Variants in EVC2 observed in about 807,000 individuals in gnomAD.
The protein encoded by EVC2 is limbin.
A neutral mutation model predicts 149.3 loss-of-function variants in EVC2; 148 were observed. The ratio of observed to expected loss-of-function variants is 0.99; its 90% CI spans 0.87 to 1.14. EVC2 has a LOEUF of 1.14. Among genes scored for constraint, EVC2 ranks in the 50% most tolerant of loss-of-function variants. The pLI is 0.00. For missense variants in EVC2, 1,854 were observed against 1,627.3 expected, an observed-to-expected ratio of 1.14 and a Z score of -2.40; for synonymous variants, 776 against 649.9, an observed-to-expected ratio of 1.19 and a Z score of -2.95.
intron 16 of EVC2, among the ~76,000 whole-genome samples, chr4:5,591,546 C>G (rs545899949): frequency 6.6e-6 from 1 of 151,804 alleles, no homozygotes; most frequent in Non-Finnish European, 1.5e-5. Context: ...ATGAGAAGGC[C>G]GTAAGGAAAA....
At chr4:5,708,668 G>T, upstream of EVC2, 1 of 537,854 alleles carries the variant, frequency 1.9e-6, no homozygotes, top group Non-Finnish European at 3.0e-6. Context: ...TGGCGGGCCA[G>T]GAGGTGCCGG....
intron 11 of EVC2, among the ~76,000 whole-genome samples, chr4:5,629,513 C>T (rs1307167867): frequency 6.6e-6 from 1 of 152,236 alleles, no homozygotes; most frequent in Non-Finnish European, 1.5e-5. Context: ...TAGAACTACT[C>T]TATGGACTGG....
At chr4:5,532,666 G>A in the EVC2 span, among the ~76,000 whole-genome samples, 2 of 152,180 alleles carry the variant, frequency 1.3e-5, no homozygotes, top group African/African-American at 2.4e-5. Flanking sequence ...GGCTGCCTAA[G>A]TGTGGCCACT....
intron 21 of EVC2, 51 bp from the exon 22 acceptor site, chr4:5,563,166 T>C (rs1247775472): frequency 1.9e-6 from 3 of 1,551,964 alleles, no homozygotes; most frequent in East Asian, 2.2e-5. Flanking sequence ...ATGAACCCTC[T>C]GGAGTGTTCT....
the EVC2 span, among the ~76,000 whole-genome samples, chr4:5,536,513 G>T: frequency 8.6e-4 from 131 of 152,170 alleles, 2 homozygotes; most frequent in East Asian, 0.021. Context: ...GGCTGGGCGC[G>T]GTGGCTCACA....
rs1719546999 is a variant in EVC2 at position 5,670,171 on chromosome 4, A to G, written c.871-4522T>C. Among the ~76,000 whole-genome samples the G allele has an allele frequency of 6.6e-6, 1 of 152,166 alleles. No individual in the cohort carries two copies. The highest frequency in any genetic ancestry group is 1.5e-5 in the Non-Finnish European group (1 of 68,032). On this transcript the variant is annotated intron_variant, in intron 7 of 21. Coordinates refer to ENST00000344408, the MANE Select transcript of EVC2 (RefSeq NM_147127.5). This position sits in a 1 kb window ranked among gnomAD's most constrained non-coding sequence, Gnocchi z 5.2. The stretch of plus-strand genomic sequence containing the variant: ...AAGAAGGAGGCTCCATATAATCACT[A>G]CCATCACTATCATCATCACCAACAT...
intron 10 of EVC2, among the ~76,000 whole-genome samples, chr4:5,635,422 A>T (rs1213597623): frequency 1.3e-5 from 2 of 152,202 alleles, no homozygotes; most frequent in African/African-American, 4.8e-5. Context: ...GATAAGGCAC[A>T]TGCATCCTAT....
Position 5,685,465 on chromosome 4 carries a change from C to G in EVC2, c.721G>C (p.Ala241Pro). The G allele has an allele frequency of 6.2e-7, 1 of 1,614,160 alleles. No homozygotes were observed. Residue 241 changes from alanine to proline, a missense_variant, in exon 6 of 22, where the codon GCT (alanine) becomes CCT (proline). Ala to Pro is a conservative substitution (Grantham distance 27). Coordinates refer to ENST00000344408, the MANE Select transcript of EVC2 (RefSeq NM_147127.5). ...TGGAGCGTGGCTGCGTAGCTGACAG[C>G]AAAGGCATCTCCCACTGCGCAGAGA... Reference protein sequence around the residue: ...KKFLQVGDAFAVSYAATLQAG... With the variant: ...KKFLQVGDAFPVSYAATLQAG...
chr4:5,699,317 T>A (rs1374735466), intron 1 of EVC2, among the ~76,000 whole-genome samples: 1 of 152,172 alleles, frequency 6.6e-6, no homozygotes, highest in African/African-American at 2.4e-5. Flanking sequence ...GGAGCTTATG[T>A]TATGTTATGG....
At chr4:5,546,629 T>C (rs915728360) in intron 21 of EVC2, among the ~76,000 whole-genome samples, 2 of 151,830 alleles carry the variant, frequency 1.3e-5, no homozygotes, top group African/African-American at 4.8e-5. Flanking sequence ...GACGAGTTAG[T>C]GGGTGCAGCA....
chr4:5,685,345 G>A (rs1402005604), intron 6 of EVC2, 25 bp downstream of exon 6: 7 of 1,605,698 alleles, frequency 4.4e-6, no homozygotes, highest in Non-Finnish European at 6.0e-6. Flanking sequence ...TGGCAAGACA[G>A]AGATTAAAGT....
intron 10 of EVC2, among the ~76,000 whole-genome samples, chr4:5,639,747 AACCATGCCCTCT>A (rs1346405343): frequency 6.6e-6 from 1 of 152,226 alleles, no homozygotes; most frequent in Non-Finnish European, 1.5e-5. Flanking sequence ...ACTTTCTGTG[AACCATGCCCTCT>A]ACAGACGTGC....
chr4:5,551,090 A>G (rs1721727506), intron 21 of EVC2, among the ~76,000 whole-genome samples: 1 of 152,328 alleles, frequency 6.6e-6, no homozygotes, highest in Non-Finnish European at 1.5e-5. Flanking sequence ...GCAGTGTGAA[A>G]GGAAAATGTG....
rs1720936758 is a variant in EVC2 at position 5,689,215 on chromosome 4, G to C, written c.648C>G (p.Asp216Glu). The C allele has an allele frequency of 6.2e-7, 1 of 1,614,234 alleles. No individual in the cohort carries two copies. ...LDSIAGLTIWDSVGNRTSEGF... is the reference protein window; with the variant it reads ...LDSIAGLTIWESVGNRTSEGF... The stretch of plus-strand genomic sequence containing the variant: ...CTTCCGAGGTCCTGTTTCCCACAGA[G>C]TCCCAAATGGTGAGACCAGCAATGC... The change falls in exon 5 of 22, where the codon GAC becomes GAG. Residue 216 changes from aspartate to glutamate, a missense_variant. Asp to Glu is a conservative substitution (Grantham distance 45). Coordinates refer to ENST00000344408, the MANE Select transcript of EVC2 (RefSeq NM_147127.5).
rs573426847 is a variant in EVC2 at position 5,680,703 on chromosome 4, A to G, written c.870+557T>C. On this transcript the variant is annotated intron_variant, in intron 7 of 21. Coordinates refer to ENST00000344408, the MANE Select transcript of EVC2 (RefSeq NM_147127.5). ...AATCTGTCTCACAAGACTGTGGTAA[A>G]GATGACATAATTCCACATAAGTAAA... Among the ~76,000 whole-genome samples, 3 of 152,380 alleles carry G rather than the reference A, an allele frequency of 2.0e-5. No homozygotes were observed. The South Asian group carries it at 6.2e-4, about 32-fold the overall frequency.
rs1370183565 is a variant in EVC2, at chr4:5,686,533, G to GAGA, written c.707-1057_707-1055dup. 6.6e-6 allele frequency among the ~76,000 whole-genome samples: 1 copy of GAGA among 152,092 alleles called. No homozygotes were observed. Among genetic ancestry groups the GAGA allele is most frequent in the Non-Finnish European group, 1.5e-5 (1 of 68,044 alleles). On this transcript the variant is annotated intron_variant, in intron 5 of 21. Coordinates refer to ENST00000344408, the MANE Select transcript of EVC2 (RefSeq NM_147127.5). This position sits in a 1 kb window ranked among gnomAD's most constrained non-coding sequence, Gnocchi z 5.4. Reference sequence around the variant, plus strand: ...CCAGCTGATCTCCACACACTGCCCCGAGATGGATGGAGAACACGTGATTTT... The same window carrying GAGA: ...CCAGCTGATCTCCACACACTGCCCCGAGAAGATGGATGGAGAACACGTGATTTT...
intron 1 of EVC2, among the ~76,000 whole-genome samples, chr4:5,698,233 A>C (rs1416043690): frequency 2.0e-5 from 3 of 152,190 alleles, no homozygotes; most frequent in African/African-American, 7.2e-5. Context: ...ATCATCAGAC[A>C]GACCTGGGTT....
chr4:5,572,780 T>C (rs765434922), intron 19 of EVC2, among the ~76,000 whole-genome samples: 1 of 152,080 alleles, frequency 6.6e-6, no homozygotes, highest in Non-Finnish European at 1.5e-5. Flanking sequence ...TTCTGTGAAG[T>C]CTCAAAGTGA....
chr4:5,672,703 C>T lies in EVC2; in HGVS notation c.871-7054G>A, dbSNP rs139749825. The stretch of plus-strand genomic sequence containing the variant: ...CCCCAAATAATTTAAAACAGGTATT[C>T]GAACAAAAATCTGTACTCGAATGCT... On this transcript the variant is annotated intron_variant, in intron 7 of 21. Transcript: ENST00000344408. Among the ~76,000 whole-genome samples the T allele has an allele frequency of 1.5e-3, 226 of 152,240 alleles. 1 individual carries two copies. The highest frequency in any genetic ancestry group is 2.0e-3 in the Admixed American group (31 of 15,292).
Sources: gnomAD v4.1 joint callset for allele counts (sites outside exome capture counted in the v4.1 genomes callset) on GRCh38, gnomAD v4.1.1 for gene constraint, Gnocchi (gnomAD v3.1) non-coding constraint, MANE v1.5 for transcripts, NCBI Gene and HGNC (gene_info 2026-07-23, HGNC 2026-07-21) for gene names.